KRT20: variants seen among roughly 807,000 people sequenced by gnomAD.
KRT20 encodes keratin, type I cytoskeletal 20.
A neutral mutation model predicts 43.0 loss-of-function variants in KRT20; 41 were observed. The ratio of observed to expected loss-of-function variants is 0.95; its 90% confidence interval spans 0.74 to 1.24. The LOEUF is 1.24. Ranked by LOEUF, KRT20 falls within the 50% of genes most tolerant of loss-of-function variation. KRT20 has a pLI of 0.00. For synonymous variants in KRT20, 207 were observed against 200.6 expected (o/e 1.03, Z -0.27); for missense variants, 533 against 521.2 (o/e 1.02, Z -0.22).
chr17:40,878,462 A>G (rs1214778253), intron 5 of KRT20, 97 bp from the exon 6 acceptor site: 14 of 858,538 alleles, frequency 1.6e-5, no homozygotes, highest in Non-Finnish European at 2.4e-5. Context: ...TCTGCAGTTC[A>G]TCACTGTGGG....
In KRT20 at chr17:40,884,840, C is replaced by G. The variant is rs766552177; in HGVS notation, c.346G>C (p.Asp116His). 6.2e-7 allele frequency: 1 copy of G among 1,614,048 alleles called. No homozygotes were observed. Among genetic ancestry groups the G allele is most frequent in the Non-Finnish European group, 8.5e-7 (1 of 1,180,040 alleles). ...ATTTGTCTGTAATATGCACTGTAGT[C>G]GCGACCAGCCCTCGGGGCGTTGGTT... ...YETNAPRAGRDYSAYYRQIEE... is the reference protein window; with the variant it reads ...YETNAPRAGRHYSAYYRQIEE... Residue 116 changes from aspartate (D) to histidine (H), a missense_variant, in exon 1 of 8, where the codon GAC becomes CAC. By Grantham distance (81) the Asp-to-His change is moderately conservative. Coordinates refer to ENST00000167588, the MANE Select transcript of KRT20 (RefSeq NM_019010.3).
At chr17:40,880,558 A>T (rs1189328257) in intron 3 of KRT20, 56 bp downstream of exon 3, 4 of 1,449,140 alleles carry the variant, frequency 2.8e-6, no homozygotes, top group Non-Finnish European at 3.8e-6. Flanking sequence ...TCCTATTATT[A>T]GTATTATATA....
At chr17:40,879,712 G>A in intron 5 of KRT20, 101 bp downstream of exon 5, 2 of 1,323,650 alleles carry the variant, frequency 1.5e-6, no homozygotes, top group Non-Finnish European at 2.1e-6. Context: ...TCTGCAAGGG[G>A]AAGGGTTATT....
chr17:40,876,312 T>C lies in KRT20; in HGVS notation c.*49A>G, dbSNP rs1907343640. On this transcript the variant is annotated 3_prime_UTR_variant, in exon 8 of 8. Transcript: ENST00000167588. ...CTTGCAGGGAGCAAAGATAAGATTA[T>C]AGCCAAATTTCTTTCAAAACCTCAG... 4.1e-6 allele frequency: 5 copies of C among 1,217,532 alleles called. No individual in the cohort carries two copies. The highest frequency in any genetic ancestry group is 1.5e-5 in the African/African-American group (1 of 67,090). The allele number at this position is 1,217,532 out of a possible 1,614,324, so 75.4% of individuals were successfully genotyped here.
At chr17:40,881,111 A>G (rs767086908) in intron 2 of KRT20, among the ~76,000 whole-genome samples, 4 of 152,202 alleles carry the variant, frequency 2.6e-5, no homozygotes, top group East Asian at 1.9e-4. Context: ...AATAATGGTT[A>G]GTTTTACTTA....
intron 1 of KRT20, among the ~76,000 whole-genome samples, chr17:40,884,347 A>G (rs952258957): frequency 5.9e-5 from 9 of 152,248 alleles, no homozygotes; most frequent in Admixed American, 2.6e-4. Flanking sequence ...TCTGCAGTAC[A>G]GTATTCTAAT....
At chr17:40,878,683 A>G (rs1377955770) in intron 5 of KRT20, among the ~76,000 whole-genome samples, 2 of 152,100 alleles carry the variant, frequency 1.3e-5, no homozygotes, top group African/African-American at 2.4e-5. Flanking sequence ...AGACCTGGCC[A>G]TGTGATCTGT....
chr17:40,884,832 A>T lies in KRT20; in HGVS notation c.354T>A (p.Ser118Arg). 1 of 1,614,178 alleles carries T rather than the reference A, an allele frequency of 6.2e-7. No homozygotes were observed. ...GCTCTTCAATTTGTCTGTAATATGC[A>T]CTGTAGTCGCGACCAGCCCTCGGGG... ...TNAPRAGRDY[S>R]AYYRQIEELR... Residue 118 changes from serine to arginine, a missense_variant, in exon 1 of 8, where the codon AGT becomes AGA. Ser to Arg is a moderately radical substitution (Grantham distance 110). Coordinates refer to ENST00000167588, the MANE Select transcript of KRT20 (RefSeq NM_019010.3).
chr17:40,882,520 C>A, intron 2 of KRT20, 52 bp downstream of exon 2: 1 of 920,812 alleles, frequency 1.1e-6, no homozygotes. Context: ...TCTGGAAGGA[C>A]TACTAAAGGA....
chr17:40,881,591 A>T (rs548766640), intron 2 of KRT20, among the ~76,000 whole-genome samples: 4 of 152,302 alleles, frequency 2.6e-5, no homozygotes, highest in African/African-American at 9.6e-5. Context: ...AAAAAATGAC[A>T]CTGCAATGTG....
intron 7 of KRT20, among the ~76,000 whole-genome samples, 184 bp downstream of exon 7, chr17:40,877,196 T>A (rs1314171519): frequency 6.6e-6 from 1 of 152,170 alleles, no homozygotes; most frequent in Non-Finnish European, 1.5e-5. Flanking sequence ...GATATTGGAC[T>A]TTCTGGCCTC....
intron 2 of KRT20, among the ~76,000 whole-genome samples, chr17:40,882,176 T>C (rs1227008590): frequency 6.6e-6 from 1 of 152,190 alleles, no homozygotes; most frequent in Admixed American, 6.5e-5. Context: ...GAGAATTACT[T>C]GGAGAATCAC....
Position 40,876,505 on chromosome 17 carries a change from G to T in KRT20, c.1178-47C>A, listed in dbSNP as rs755839705. 5.4e-6 allele frequency: 6 copies of T among 1,108,508 alleles called. No homozygotes were observed. The African/African-American group carries it at 7.7e-5, about 14-fold the overall frequency. 68.7% of individuals were successfully genotyped at this position (1,108,508 alleles called of 1,614,324 possible). A position where few individuals can be genotyped will look rare whatever the true frequency, so the allele number is the denominator to read the frequency against. ...AATGTTAATTCAGGCACATGACTCT[G>T]CTGATTTATAATATTCAACTTTAAA... On this transcript the variant is annotated intron_variant, in intron 7 of 7. Transcript: ENST00000167588.
rs17567558 is a variant in KRT20, at chr17:40,885,057, G to A, written c.129C>T (p.Gly43=). 0.083 allele frequency: 133,219 copies of A among 1,614,098 alleles called. 5,779 individuals carry two copies. Among genetic ancestry groups the A allele is most frequent in the Admixed American group, 0.11 (6,455 of 60,012 alleles). The change falls in exon 1 of 8, where the codon GGC becomes GGT. Residue 43 remains glycine (G), a synonymous_variant. Coordinates refer to ENST00000167588, the MANE Select transcript of KRT20 (RefSeq NM_019010.3). The part of the protein sequence containing the change: ...PSVYGGAGGR[G]IRISNSRHTV... ...TGTGTCTGGAGTTGGAGATGCGGAT[G>A]CCCCGGCCTCCAGCACCCCCATAAA...
At chr17:40,879,714 AG>A (rs1907503123) in intron 5 of KRT20, 98 bp downstream of exon 5, 2 of 1,326,082 alleles carry the variant, frequency 1.5e-6, no homozygotes, top group Non-Finnish European at 2.1e-6. Flanking sequence ...TGCAAGGGGA[AG>A]GGTTATTTCT....
chr17:40,880,529 C>A, intron 3 of KRT20, 85 bp downstream of exon 3: 1 of 1,198,348 alleles, frequency 8.3e-7, no homozygotes, highest in Non-Finnish European at 1.2e-6. Flanking sequence ...CTTCCCCCTT[C>A]TCCTGTTTCT....
chr17:40,883,763 G>C (rs1907695829), intron 1 of KRT20, among the ~76,000 whole-genome samples: 1 of 152,250 alleles, frequency 6.6e-6, no homozygotes, highest in Non-Finnish European at 1.5e-5. Context: ...AGAAACACGA[G>C]ACAGGTGTGG....
Position 40,879,870 on chromosome 17 carries a change from C to T in KRT20, c.861G>A (p.Thr287=), listed in dbSNP as rs370989654. Residue 287 remains threonine, a synonymous_variant, in exon 5 of 8, where the codon ACG becomes ACA. Transcript: ENST00000167588. ...GGCTCTGGGAGGTGCGTCTCAGCTC[C>T]GTTAGTTGAACCTCAGTTCCTTTTA... ...EELKGTEVQL[T]ELRRTSQSLE... is the part of the protein sequence containing the mutation. The T allele has an allele frequency of 1.2e-5, 19 of 1,613,310 alleles. No individual in the cohort carries two copies. The highest frequency in any genetic ancestry group is 6.7e-5 in the African/African-American group (5 of 74,632).
chr17:40,883,514 C>G (rs1907686475), intron 1 of KRT20, among the ~76,000 whole-genome samples: 1 of 152,220 alleles, frequency 6.6e-6, no homozygotes, highest in African/African-American at 2.4e-5. Flanking sequence ...CAGCATGGTG[C>G]CCAGCACCTA....
Sources: gnomAD v4.1 joint callset for allele counts (sites outside exome capture counted in the v4.1 genomes callset) on GRCh38, gnomAD v4.1.1 for gene constraint, MANE v1.5 for transcripts, NCBI Gene and HGNC (gene_info 2026-07-23, HGNC 2026-07-21) for gene names.